CUBN: variants seen among roughly 807,000 people sequenced by gnomAD.
CUBN encodes cubilin, also known as 460 kDa receptor.
CUBN carries 282 observed loss-of-function variants against 405.3 expected under a neutral mutation model. That is an observed-to-expected ratio of 0.70 (90% CI 0.63 to 0.77). The LOEUF (loss-of-function observed/expected upper bound fraction) is 0.77. Among genes scored for constraint, CUBN ranks in the 30% least tolerant of loss-of-function variants. The pLI, the probability that CUBN is intolerant of heterozygous loss-of-function variation, is 0.00. For missense variants in CUBN, 4,514 were observed against 4,475.2 expected, an observed-to-expected ratio of 1.01 and a Z score of -0.25; for synonymous variants, 1,684 against 1,617.0, an observed-to-expected ratio of 1.04 and a Z score of -0.99.
At chr10:17,048,752 T>C (rs558753409) in intron 22 of CUBN, among the ~76,000 whole-genome samples, 149 of 152,326 alleles carry the variant, frequency 9.8e-4, no homozygotes, top group Middle Eastern at 3.4e-3. Flanking sequence ...CAATAAACTA[T>C]TGTGTTTCAT....
In CUBN at chr10:16,906,267, G is replaced by A. The variant is rs747007380; in HGVS notation, c.7848C>T (p.His2616=). 1.1e-5 allele frequency: 17 copies of A among 1,613,984 alleles called. No individual in the cohort carries two copies. The South Asian group carries it at 1.9e-4, about 18-fold the overall frequency. The part of the protein sequence containing the change: ...PNQGNSSISI[H]FEDFYLESHQ... ...GACTTTCTAGGTAAAAATCTTCAAA[G>A]TGAATGGAAATGGATGAATTTCCCT... Residue 2616 remains histidine, a synonymous_variant, in exon 50 of 67, where the codon CAC becomes CAT. Coordinates refer to ENST00000377833, the MANE Select transcript of CUBN (RefSeq NM_001081.4).
chr10:16,909,038 G>A (rs540525034), intron 48 of CUBN, among the ~76,000 whole-genome samples: 42 of 150,916 alleles, frequency 2.8e-4, no homozygotes, highest in Non-Finnish European at 5.3e-4. Flanking sequence ...GCCCGCCACC[G>A]CGCCCGGCTA....
intron 40 of CUBN, among the ~76,000 whole-genome samples, chr10:16,929,004 A>G (rs1333186022): frequency 6.6e-6 from 1 of 150,406 alleles, no homozygotes; most frequent in Admixed American, 6.6e-5. Context: ...GGTAAAAGAA[A>G]AAAAAAAAAC....
At chr10:16,914,037 T>C (rs781662707) in intron 47 of CUBN, 45 bp from the exon 48 acceptor site, 2 of 1,601,400 alleles carry the variant, frequency 1.2e-6, no homozygotes, top group South Asian at 1.1e-5. Context: ...CAAATCAAAA[T>C]GTTTCCTTCC....
intron 53 of CUBN, among the ~76,000 whole-genome samples, chr10:16,900,254 G>A (rs547694515): frequency 1.3e-5 from 2 of 152,316 alleles, no homozygotes; most frequent in Non-Finnish European, 2.9e-5. Context: ...AAGCACTTGG[G>A]ATTCCAACTC....
intron 31 of CUBN, among the ~76,000 whole-genome samples, chr10:16,967,424 A>T (rs1843423338): frequency 6.6e-6 from 1 of 152,194 alleles, no homozygotes; most frequent in Non-Finnish European, 1.5e-5. Flanking sequence ...AATGGAAACC[A>T]AGCCAAACCA....
intron 39 of CUBN, among the ~76,000 whole-genome samples, chr10:16,933,679 A>G (rs1318525040): frequency 1.3e-5 from 2 of 151,712 alleles, no homozygotes; most frequent in African/African-American, 4.8e-5. Context: ...TATCTAGGCA[A>G]TTTTGAGTTG....
rs1474499415 is a variant in CUBN at position 16,877,174 on chromosome 10, A to ATG, written c.8906-79_8906-78dup. ...TAAGGCCATAAAAATAAAAACAAAA[A>ATG]TGTGATGATGACTCATGCAATTGCT... On this transcript the variant is annotated intron_variant, in intron 56 of 66. Coordinates refer to ENST00000377833, the MANE Select transcript of CUBN (RefSeq NM_001081.4). The ATG allele has an allele frequency of 1.2e-5, 15 of 1,204,240 alleles. 2 individuals carry two copies. The Admixed American group carries it at 3.0e-4, about 24-fold the overall frequency. 74.6% of individuals were successfully genotyped at this position (1,204,240 alleles called of 1,614,324 possible).
At position 17,015,793 on chromosome 10, in the gene CUBN, C is replaced by T. The variant is rs536546238; in HGVS notation, c.4168+4040G>A. ...ATGGACGAGGGGGCGGCTTGTTTCT[C>T]ACTGGACAATCTTTTTTAAAGTGTC... is the stretch of plus-strand genomic sequence containing the variant. On this transcript the variant is annotated intron_variant, in intron 28 of 66. Coordinates refer to ENST00000377833, the MANE Select transcript of CUBN (RefSeq NM_001081.4). 2.0e-5 allele frequency among the ~76,000 whole-genome samples: 3 copies of T among 152,292 alleles called. No homozygotes were observed. In the South Asian group the frequency reaches 6.2e-4, roughly 32 times the overall value.
rs1436826125 is a variant in CUBN, at chr10:16,851,380, G to C, written c.9518C>G (p.Ser3173Cys). 3.7e-6 allele frequency: 6 copies of C among 1,614,134 alleles called. No homozygotes were observed. The highest frequency in any genetic ancestry group is 2.2e-5 in the South Asian group (2 of 91,092). The part of the protein sequence containing the change: ...GSNNTFASPD[S>C]DSNGMYDKNL... ...CTTGTCATACATTCCATTCGAATCAGAATCAGGAGAGGCAAAGGTATTATT... is the reference window on the plus strand; with the variant it reads ...CTTGTCATACATTCCATTCGAATCACAATCAGGAGAGGCAAAGGTATTATT... Residue 3173 changes from serine (S) to cysteine (C), a missense_variant, in exon 60 of 67, where the codon TCT becomes TGT. By Grantham distance (112) the Ser-to-Cys change is moderately radical. Around this residue, in one of 5 missense-constraint regions of CUBN, gnomAD observed 1,186 missense variants for 1,186.9 expected, o/e 1.00. Coordinates refer to ENST00000377833, the MANE Select transcript of CUBN (RefSeq NM_001081.4).
intron 64 of CUBN, among the ~76,000 whole-genome samples, chr10:16,834,401 G>C (rs1166234278): frequency 6.6e-6 from 1 of 152,112 alleles, no homozygotes. Flanking sequence ...GGGTGGGAGT[G>C]GGGGGTGGGT....
intron 8 of CUBN, among the ~76,000 whole-genome samples, chr10:17,112,854 A>C (rs1177427703): frequency 6.6e-5 from 10 of 152,170 alleles, no homozygotes; most frequent in Non-Finnish European, 1.2e-4. Flanking sequence ...AACCTCTTTA[A>C]GCTCAAGTTC....
chr10:16,839,996 C>T (rs569207058), intron 62 of CUBN, among the ~76,000 whole-genome samples: 1 of 145,956 alleles, frequency 6.9e-6, no homozygotes, highest in African/African-American at 2.6e-5. Flanking sequence ...TATTCTCACT[C>T]ATAGGTGGGA....
chr10:17,009,479 A>T (rs1054847051), intron 28 of CUBN, among the ~76,000 whole-genome samples: 2 of 152,252 alleles, frequency 1.3e-5, no homozygotes. Flanking sequence ...ATCTGGGCAC[A>T]GCCTGCCATG....
chr10:17,038,745 T>C (rs1196742344), intron 27 of CUBN, among the ~76,000 whole-genome samples: 1 of 152,232 alleles, frequency 6.6e-6, no homozygotes, highest in Non-Finnish European at 1.5e-5. Flanking sequence ...AGACCAGCTA[T>C]TGCAGCTATT....
chr10:17,006,659 A>C (rs1285861722), intron 28 of CUBN, among the ~76,000 whole-genome samples: 1 of 152,194 alleles, frequency 6.6e-6, no homozygotes. Context: ...AGTGCTCTAA[A>C]GATGTTTTTT....
Position 17,064,553 on chromosome 10 carries a change from GTC to G in CUBN, c.3139+953_3139+954del, listed in dbSNP as rs1353620109. On this transcript the variant is annotated intron_variant, in intron 22 of 66. Transcript: ENST00000377833. ...AAGCGGAGAAATGCTTGGAAGCATG[GTC>G]ACCATATGCCTACTATGGGTCTATG... 2.0e-5 allele frequency among the ~76,000 whole-genome samples: 3 copies of G among 152,252 alleles called. No homozygotes were observed. In the East Asian group the frequency reaches 5.8e-4, roughly 29 times the overall value.
intron 39 of CUBN, among the ~76,000 whole-genome samples, chr10:16,935,106 A>G (rs1033767188): frequency 4.0e-5 from 6 of 150,034 alleles, no homozygotes; most frequent in African/African-American, 1.5e-4. Flanking sequence ...TTACGATACC[A>G]TTACTTAACT....
intron 43 of CUBN, among the ~76,000 whole-genome samples, chr10:16,922,611 A>G (rs1842067178): frequency 6.6e-6 from 1 of 152,152 alleles, no homozygotes; most frequent in Non-Finnish European, 1.5e-5. Context: ...TGCCTGCTTC[A>G]TCACTATTAT....
Sources: gnomAD v4.1 joint callset for allele counts (sites outside exome capture counted in the v4.1 genomes callset) on GRCh38, gnomAD v4.1.1 for gene constraint, gnomAD v4.1.1 regional missense constraint, MANE v1.5 for transcripts, NCBI Gene and HGNC (gene_info 2026-07-23, HGNC 2026-07-21) for gene names.